The following ZNF728 variants were observed in gnomAD, a reference collection of about 807,000 sequenced individuals.
ZNF728 encodes zinc finger protein 728.
Under a neutral mutation model 12.5 loss-of-function variants are expected in ZNF728, and 12 were observed. The observed-to-expected ratio is 0.96, with a 90% CI of 0.61 to 1.55. The LOEUF is 1.55. ZNF728 is among the 40% of genes most tolerant of loss of function. The pLI, the probability that ZNF728 is intolerant of heterozygous loss-of-function variation, is 0.00. For synonymous variants in ZNF728, 205 were observed against 240.7 expected (o/e 0.85, Z 1.37); for missense variants, 692 against 719.2 (o/e 0.96, Z 0.43).
chr19:22,978,411 G>A (rs1968828034), intron 3 of ZNF728, among the ~76,000 whole-genome samples: 1 of 152,086 alleles, frequency 6.6e-6, no homozygotes. Flanking sequence ...AAGTATATCG[G>A]CACTGCATAT....
chr19:22,980,416 C>T (rs1968850073), intron 3 of ZNF728, among the ~76,000 whole-genome samples: 1 of 152,032 alleles, frequency 6.6e-6, no homozygotes, highest in Non-Finnish European at 1.5e-5. Flanking sequence ...ACTTAGATTC[C>T]CACACTATAA....
chr19:22,976,685 A>G lies in ZNF728; in HGVS notation c.652T>C (p.Tyr218His). Residue 218 changes from tyrosine to histidine, a missense_variant, in exon 4 of 4, where the codon TAT becomes CAT. Tyr to His is a moderately conservative substitution (Grantham distance 83). Coordinates refer to ENST00000594710, the MANE Select transcript of ZNF728 (RefSeq NM_001267716.2). ...TTCTCTCCAGTATGAATTCTCTTAT[A>G]AGTAAGGGCTGAGGACCAGTTAAAG... ...KAFNWSSALT[Y>H]KRIHTGEKPC... 1.9e-6 allele frequency: 3 copies of G among 1,613,018 alleles called. No homozygotes were observed. The highest frequency in any genetic ancestry group is 2.5e-6 in the Non-Finnish European group (3 of 1,179,740).
chr19:22,978,679 C>T (rs1968830991), intron 3 of ZNF728, among the ~76,000 whole-genome samples: 1 of 152,342 alleles, frequency 6.6e-6, no homozygotes, highest in East Asian at 1.9e-4. Context: ...GCAATCTTTG[C>T]TGTTCTGTAG....
intron 1 of ZNF728, among the ~76,000 whole-genome samples, chr19:22,997,653 A>C (rs1161331934): frequency 6.6e-6 from 1 of 152,064 alleles, no homozygotes; most frequent in Non-Finnish European, 1.5e-5. Flanking sequence ...AAGTAACCAA[A>C]ATCGGATCTG....
At chr19:22,977,444 G>GC (rs1968818936) in intron 3 of ZNF728, among the ~76,000 whole-genome samples, 4 of 150,518 alleles carry the variant, frequency 2.7e-5, no homozygotes, top group African/African-American at 4.9e-5. Flanking sequence ...GTCAACTTCT[G>GC]TTTTTTTTTC....
At position 22,975,420 on chromosome 19, in the gene ZNF728, T is replaced by A; in HGVS notation, c.*48A>T. 2.0e-6 allele frequency: 3 copies of A among 1,478,476 alleles called. No individual in the cohort carries two copies. The highest frequency in any genetic ancestry group is 2.7e-6 in the Non-Finnish European group (3 of 1,105,258). The allele number at this position is 1,478,476 out of a possible 1,614,324, so 91.6% of individuals were successfully genotyped here. A position where few individuals can be genotyped will look rare whatever the true frequency, so the allele number is the denominator to read the frequency against. ...GGGTTTCCCTCCTGTATAAATACCC[T>A]TATGTTCAGTAAGGGTTAAGAACTA... On this transcript the variant is annotated 3_prime_UTR_variant, in exon 4 of 4. Coordinates refer to ENST00000594710, the MANE Select transcript of ZNF728 (RefSeq NM_001267716.2).
At chr19:22,978,194 A>C (rs1968825833) in intron 3 of ZNF728, among the ~76,000 whole-genome samples, 1 of 152,008 alleles carries the variant, frequency 6.6e-6, no homozygotes, top group Non-Finnish European at 1.5e-5. Context: ...GAATCTTAGG[A>C]GCTGCAAGAT....
intron 3 of ZNF728, among the ~76,000 whole-genome samples, chr19:22,984,918 T>C (rs545011191): frequency 4.2e-4 from 64 of 152,168 alleles, no homozygotes; most frequent in African/African-American, 1.5e-3. Context: ...ATTAAAACAA[T>C]CTGGTATAAG....
intron 3 of ZNF728, among the ~76,000 whole-genome samples, chr19:22,978,699 G>T (rs1410882956): frequency 1.3e-5 from 2 of 152,176 alleles, no homozygotes; most frequent in South Asian, 4.1e-4. Flanking sequence ...GCCTCAGCTG[G>T]TGATACCCAG....
intron 2 of ZNF728, 141 bp from the exon 3 acceptor site, chr19:22,987,544 A>C (rs1968930950): frequency 1.2e-6 from 1 of 854,316 alleles, no homozygotes; most frequent in African/African-American, 1.8e-5. Context: ...AAATTTCTAA[A>C]TATTTAGAAA....
chr19:22,976,712 CTTTGCCATGTTCTTCACTTTT>C lies in ZNF728; in HGVS notation c.604_624del (p.Lys202_Lys208del). 3.1e-6 allele frequency: 5 copies of C among 1,613,400 alleles called. No homozygotes were observed. Among genetic ancestry groups the C allele is most frequent in the Non-Finnish European group, 4.2e-6 (5 of 1,179,942 alleles). Reference sequence around the variant, plus strand: ...GTAAGGGCTGAGGACCAGTTAAAGGCTTTGCCATGTTCTTCACTTTTGTAGGAATTCTCTCTAGTATAAATT... The same window carrying C: ...GTAAGGGCTGAGGACCAGTTAAAGGCGTAGGAATTCTCTCTAGTATAAATT... On this transcript the variant is annotated inframe_deletion, in exon 4 of 4. Coordinates refer to ENST00000594710, the MANE Select transcript of ZNF728 (RefSeq NM_001267716.2).
At chr19:22,993,611 A>T (rs1969015336) in intron 1 of ZNF728, among the ~76,000 whole-genome samples, 2 of 152,228 alleles carry the variant, frequency 1.3e-5, no homozygotes, top group Admixed American at 1.3e-4. Context: ...AAAGGCAAAA[A>T]AAAAGGAACA....
At chr19:22,984,539 T>TA (rs1568275634) in intron 3 of ZNF728, among the ~76,000 whole-genome samples, 4 of 120,306 alleles carry the variant, frequency 3.3e-5, no homozygotes, top group African/African-American at 1.4e-4. Context: ...AGCCTGGAGA[T>TA]AGAGCGAGAC....
At chr19:22,990,870 C>T (rs1036071474) in intron 1 of ZNF728, among the ~76,000 whole-genome samples, 2 of 152,176 alleles carry the variant, frequency 1.3e-5, no homozygotes, top group Non-Finnish European at 2.9e-5. Flanking sequence ...TAAGCATTTC[C>T]TCTCAAGCTC....
chr19:22,980,573 T>C (rs1444335683), intron 3 of ZNF728, among the ~76,000 whole-genome samples: 2 of 152,132 alleles, frequency 1.3e-5, no homozygotes, highest in Non-Finnish European at 2.9e-5. Flanking sequence ...ATCAACAGAA[T>C]ATACATTCTT....
intron 1 of ZNF728, among the ~76,000 whole-genome samples, chr19:22,994,360 C>T (rs941560380): frequency 2.0e-5 from 3 of 152,198 alleles, no homozygotes; most frequent in Non-Finnish European, 2.9e-5. Context: ...TACATTATGT[C>T]TGGTAATTCT....
At chr19:22,997,584 C>T (rs1007639913) in intron 1 of ZNF728, among the ~76,000 whole-genome samples, 6 of 151,978 alleles carry the variant, frequency 3.9e-5, no homozygotes, top group African/African-American at 1.4e-4. Flanking sequence ...AACCTGATAT[C>T]ATAAATAAAA....
At chr19:22,984,629 T>G (rs1055685456) in intron 3 of ZNF728, among the ~76,000 whole-genome samples, 2 of 139,832 alleles carry the variant, frequency 1.4e-5, no homozygotes, top group African/African-American at 5.3e-5. Flanking sequence ...TACACACACA[T>G]AGGAATTTAA....
intron 3 of ZNF728, among the ~76,000 whole-genome samples, chr19:22,980,811 G>A (rs1315045685): frequency 2.0e-5 from 3 of 152,098 alleles, no homozygotes; most frequent in African/African-American, 7.2e-5. Context: ...AAATAAAAAA[G>A]TTCTTTGAAA....
Sources: gnomAD v4.1 joint callset for allele counts (sites outside exome capture counted in the v4.1 genomes callset) on GRCh38, gnomAD v4.1.1 for gene constraint, MANE v1.5 for transcripts, NCBI Gene and HGNC (gene_info 2026-07-23, HGNC 2026-07-21) for gene names.